RPS6KA5: variants seen among roughly 807,000 people sequenced by gnomAD.
RPS6KA5 encodes ribosomal protein S6 kinase A5.
A neutral mutation model predicts 85.5 loss-of-function variants in RPS6KA5; 27 were observed. The observed-to-expected ratio is 0.32, with a 90% CI of 0.23 to 0.44. The LOEUF is 0.44. Ranked by LOEUF, RPS6KA5 falls within the 20% of genes least tolerant of loss-of-function variation. RPS6KA5 has a pLI of 1.00. For synonymous variants in RPS6KA5, 334 were observed against 348.2 expected (o/e 0.96, Z 0.46); for missense variants, 811 against 980.9 (o/e 0.83, Z 2.31).
At chr14:91,052,456 C>A (rs1314212808) in intron 1 of RPS6KA5, 2 of 177,652 alleles carry the variant, frequency 1.1e-5, no homozygotes, top group Admixed American at 7.0e-5. Flanking sequence ...ACAGAGTAGA[C>A]TCGTCTCTTA....
intron 3 of RPS6KA5, among the ~76,000 whole-genome samples, chr14:90,957,684 T>C (rs2140408101): frequency 6.6e-6 from 1 of 152,312 alleles, no homozygotes; most frequent in African/African-American, 2.4e-5. Flanking sequence ...GGAGTAGCTT[T>C]TGAGGACAGT....
intron 1 of RPS6KA5, among the ~76,000 whole-genome samples, chr14:91,030,087 A>T (rs1288469247): frequency 6.6e-6 from 1 of 152,216 alleles, no homozygotes; most frequent in Non-Finnish European, 1.5e-5. Flanking sequence ...AATCACCCCC[A>T]GAGAACCCCA....
At chr14:91,008,777 T>C (rs1468289819) in intron 1 of RPS6KA5, among the ~76,000 whole-genome samples, 7 of 152,230 alleles carry the variant, frequency 4.6e-5, no homozygotes, top group Non-Finnish European at 8.8e-5. Context: ...CTAGTTTTAA[T>C]TGAATCCGTA....
rs1226533009 is a variant in RPS6KA5, at chr14:90,853,680, A to C, written c.*18394T>G. 6.0e-5 allele frequency: 9 copies of C among 151,252 alleles called. No individual in the cohort carries two copies. The highest frequency in any genetic ancestry group is 2.2e-4 in the African/African-American group (9 of 41,268). 9.4% of individuals were successfully genotyped at this position (151,252 alleles called of 1,614,324 possible). A position where few individuals can be genotyped will look rare whatever the true frequency, so the allele number is the denominator to read the frequency against. On this transcript the variant is annotated 3_prime_UTR_variant, in exon 17 of 17. Transcript: ENST00000614987. ...CTCTACTAAAAATACAAAAAAAAAA[A>C]AAAAAACCCTAAAATTTAACACTAT...
chr14:90,885,802 TAAA>T (rs1234584251), intron 14 of RPS6KA5, among the ~76,000 whole-genome samples: 1 of 125,550 alleles, frequency 8.0e-6, no homozygotes, highest in African/African-American at 3.0e-5. Flanking sequence ...CCAATCTTTA[TAAA>T]TAAAGTTTTC....
intron 1 of RPS6KA5, among the ~76,000 whole-genome samples, chr14:91,006,885 G>A (rs1290988464): frequency 6.6e-6 from 1 of 152,146 alleles, no homozygotes. Flanking sequence ...AACCTTCTAA[G>A]TCACACACCT....
chr14:90,876,328 G>A (rs2033474766), intron 14 of RPS6KA5, among the ~76,000 whole-genome samples: 1 of 152,138 alleles, frequency 6.6e-6, no homozygotes, highest in Admixed American at 6.5e-5. Flanking sequence ...TTAAGGACTT[G>A]AAAAACTTCA....
chr14:91,041,460 T>C (rs1381420987), intron 1 of RPS6KA5, among the ~76,000 whole-genome samples: 1 of 152,232 alleles, frequency 6.6e-6, no homozygotes. Flanking sequence ...AAATTATTTA[T>C]AAAGCAATTT....
In RPS6KA5 at chr14:91,012,790, G is replaced by C. The variant is rs529956763; in HGVS notation, c.104-11631C>G. Among the ~76,000 whole-genome samples the C allele has an allele frequency of 3.9e-5, 6 of 152,332 alleles. No homozygotes were observed. In the South Asian group the frequency reaches 1.2e-3, roughly 32 times the overall value. On this transcript the variant is annotated intron_variant, in intron 1 of 16. Coordinates refer to ENST00000614987, the MANE Select transcript of RPS6KA5 (RefSeq NM_004755.4). ...ACTTCAGTGAAGATTTCTGAAGCTA[G>C]GCAAAAGAGTGGTACACCAGGCAAC...
rs890802552 is a variant in RPS6KA5 at position 90,849,321 on chromosome 14, A to C, written c.*22753T>G. On this transcript the variant is annotated 3_prime_UTR_variant, in exon 17 of 17. Transcript: ENST00000614987. Reference sequence around the variant, plus strand: ...TTTGGCCAGAGATGAACACGCACCCATATGTCTGAAGACAAAAGTTTTTTA... The same window carrying C: ...TTTGGCCAGAGATGAACACGCACCCCTATGTCTGAAGACAAAAGTTTTTTA... 6.6e-6 allele frequency: 1 copy of C among 152,212 alleles called. No individual in the cohort carries two copies. The highest frequency in any genetic ancestry group is 6.5e-5 in the Admixed American group (1 of 15,274). 9.4% of individuals were successfully genotyped at this position (152,212 alleles called of 1,614,324 possible). A position where few individuals can be genotyped will look rare whatever the true frequency, so the allele number is the denominator to read the frequency against.
chr14:90,917,623 A>G (rs2036189704), intron 7 of RPS6KA5, among the ~76,000 whole-genome samples: 1 of 151,962 alleles, frequency 6.6e-6, no homozygotes. Context: ...GTTAGTTTGC[A>G]TTTTCCAGAA....
intron 2 of RPS6KA5, among the ~76,000 whole-genome samples, chr14:90,999,011 C>T (rs972134595): frequency 1.3e-5 from 2 of 152,076 alleles, no homozygotes; most frequent in African/African-American, 4.8e-5. Flanking sequence ...GGGTGGATCA[C>T]GAGGTCAGGA....
chr14:90,974,993 A>T (rs544535185), intron 3 of RPS6KA5, among the ~76,000 whole-genome samples: 1 of 152,228 alleles, frequency 6.6e-6, no homozygotes, highest in Non-Finnish European at 1.5e-5. Context: ...GGACAAACTC[A>T]TTTTGATAAA....
At chr14:91,003,775 G>A (rs1424121048) in intron 1 of RPS6KA5, among the ~76,000 whole-genome samples, 1 of 152,192 alleles carries the variant, frequency 6.6e-6, no homozygotes, top group African/African-American at 2.4e-5. Flanking sequence ...CTAGGTCTTA[G>A]GAAAACTCAA....
In RPS6KA5 at chr14:90,952,760, T is replaced by C. The variant is rs150843605; in HGVS notation, c.395-5210A>G. Among the ~76,000 whole-genome samples the C allele has an allele frequency of 7.1e-4, 108 of 152,370 alleles. 1 individual carries two copies. In the East Asian group the frequency reaches 0.011, roughly 15 times the overall value. On this transcript the variant is annotated intron_variant, in intron 3 of 16. Transcript: ENST00000614987. ...TTCCTACAACAAGACTGATCATTAA[T>C]GGGAAATGGTCAAAGGACACCTTCT...
chr14:90,900,642 A>G lies in RPS6KA5; in HGVS notation c.1214T>C (p.Val405Ala), dbSNP rs1402330643. The change falls in exon 10 of 17, where the codon GTG becomes GCG. Residue 405 changes from valine (V) to alanine (A), a missense_variant. Physicochemically the swap from Val to Ala is moderately conservative, Grantham distance 64 (BLOSUM62 0). Around this residue, in one of 3 missense-constraint regions of RPS6KA5, gnomAD observed 650 missense variants for 793.4 expected, o/e 0.82. Coordinates refer to ENST00000614987, the MANE Select transcript of RPS6KA5 (RefSeq NM_004755.4). The stretch of plus-strand genomic sequence containing the variant: ...CATTGCACTCCTGGCAACATTTGTC[A>G]CTCCAGGACGTTCAACTCCCATGTG... Reference protein sequence around the residue: ...QFHMGVERPGVTNVARSAMMK... With the variant: ...QFHMGVERPGATNVARSAMMK... 3.1e-6 allele frequency: 5 copies of G among 1,613,304 alleles called. No homozygotes were observed. The South Asian group carries it at 5.5e-5, about 18-fold the overall frequency.
At chr14:91,060,174 ACCCCCGGGG>A in intron 1 of RPS6KA5, 149 bp downstream of exon 1, 1 of 968,352 alleles carries the variant, frequency 1.0e-6, no homozygotes, top group Non-Finnish European at 1.2e-6. Flanking sequence ...ACCTCCCGGG[ACCCCCGGGG>A]CACGCGCCCC....
chr14:90,929,379 T>C (rs1032198040), intron 5 of RPS6KA5, among the ~76,000 whole-genome samples: 12 of 152,116 alleles, frequency 7.9e-5, no homozygotes, highest in African/African-American at 2.7e-4. Flanking sequence ...TAGTCATCTA[T>C]ACAAAAATCC....
At position 90,865,899 on chromosome 14, in the gene RPS6KA5, GTT is replaced by G. The variant is rs1160212139; in HGVS notation, c.*6173_*6174del. 2.0e-5 allele frequency: 3 copies of G among 152,154 alleles called. No homozygotes were observed. The highest frequency in any genetic ancestry group is 7.2e-5 in the African/African-American group (3 of 41,412). 9.4% of individuals were successfully genotyped at this position (152,154 alleles called of 1,614,324 possible). On this transcript the variant is annotated 3_prime_UTR_variant, in exon 17 of 17. Transcript: ENST00000614987. ...AGCCTTCTCTATGTTGATTGCAGAT[GTT>G]TCTATCTCAGAATTTAAGTCTACTT...
Sources: gnomAD v4.1 joint callset for allele counts (sites outside exome capture counted in the v4.1 genomes callset) on GRCh38, gnomAD v4.1.1 for gene constraint, gnomAD v4.1.1 regional missense constraint, MANE v1.5 for transcripts, NCBI Gene and HGNC (gene_info 2026-07-23, HGNC 2026-07-21) for gene names.